Variants in PCBP3 observed in about 807,000 individuals in gnomAD.
PCBP3 encodes poly(rC)-binding protein 3.
In PCBP3, 25 loss-of-function variants were observed where a neutral mutation model predicts 52.7. The observed-to-expected ratio is 0.47, with a 90% CI of 0.35 to 0.66. PCBP3 has a LOEUF of 0.66. Among genes scored for constraint, PCBP3 ranks in the 30% least tolerant of loss-of-function variants. The probability of loss-of-function intolerance (pLI) is 0.01; values close to 1 mark genes in which losing one functional copy is unlikely to be tolerated. For synonymous variants in PCBP3, 162 were observed against 183.0 expected, an observed-to-expected ratio of 0.89 and a Z score of 0.93; for missense variants, 391 against 490.3, an observed-to-expected ratio of 0.80 and a Z score of 1.91.
intron 4 of PCBP3, among the ~76,000 whole-genome samples, chr21:45,845,983 C>CT (rs1481235224): frequency 1.3e-5 from 2 of 152,206 alleles, no homozygotes; most frequent in African/African-American, 2.4e-5. Flanking sequence ...CCTTGCCTTC[C>CT]TAAACAGCTG....
At chr21:45,733,143 T>C (rs1197674168) in intron 2 of PCBP3, among the ~76,000 whole-genome samples, 1 of 152,202 alleles carries the variant, frequency 6.6e-6, no homozygotes, top group Non-Finnish European at 1.5e-5. Context: ...AGTCAGTATA[T>C]TTTTTTAAAT....
chr21:45,660,267 TC>T (rs1322931952), intron 1 of PCBP3, among the ~76,000 whole-genome samples: 1 of 152,154 alleles, frequency 6.6e-6, no homozygotes, highest in Admixed American at 6.5e-5. Context: ...ACCGTTTTTT[TC>T]TGATGTTAAT....
intron 3 of PCBP3, among the ~76,000 whole-genome samples, chr21:45,747,103 A>T (rs966590317): frequency 1.3e-5 from 2 of 152,250 alleles, no homozygotes; most frequent in Non-Finnish European, 2.9e-5. Context: ...TCAGTTCCAC[A>T]TGGCTGGGGA....
chr21:45,729,053 C>CA (rs1425877604), intron 2 of PCBP3, among the ~76,000 whole-genome samples: 1 of 152,178 alleles, frequency 6.6e-6, no homozygotes, highest in Non-Finnish European at 1.5e-5. Context: ...ACCTCCCACC[C>CA]ATTAAGTAAT....
chr21:45,810,782 C>T (rs1043248796), intron 4 of PCBP3, among the ~76,000 whole-genome samples: 6 of 152,206 alleles, frequency 3.9e-5, no homozygotes, highest in South Asian at 4.1e-4. Context: ...CAGAATTTGC[C>T]GGTGCCTTGA....
chr21:45,680,190 C>A (rs2081749813), intron 2 of PCBP3, among the ~76,000 whole-genome samples: 2 of 152,146 alleles, frequency 1.3e-5, no homozygotes, highest in Non-Finnish European at 2.9e-5. Context: ...AAAAATGTTT[C>A]AGTTATTCTA....
chr21:45,927,419 C>T (rs1037386833), intron 13 of PCBP3, among the ~76,000 whole-genome samples: 1 of 112,032 alleles, frequency 8.9e-6, no homozygotes. Context: ...CTGGTGAGAA[C>T]CAAAAGCCTC....
chr21:45,921,999 G>C lies in PCBP3; in HGVS notation c.717+4370G>C, dbSNP rs140866960. 4.9e-3 allele frequency among the ~76,000 whole-genome samples: 744 copies of C among 152,298 alleles called. 7 individuals carry two copies. Among genetic ancestry groups the C allele is most frequent in the African/African-American group, 0.017 (703 of 41,540 alleles). ...GAAGGACTTAGGAGGACTGAAGTCA[G>C]GCTCTCCAGTATGGCCACTCGGCAG... On this transcript the variant is annotated intron_variant, in intron 13 of 17. Coordinates refer to ENST00000681687, the MANE Select transcript of PCBP3 (RefSeq NM_001384156.1).
At chr21:45,669,801 G>GTA (rs1385598083) in intron 2 of PCBP3, among the ~76,000 whole-genome samples, 241 of 68,816 alleles carry the variant, frequency 3.5e-3, no homozygotes, top group Non-Finnish European at 4.7e-3. Context: ...GTGTGTGTGT[G>GTA]TGTGTATATA....
intron 5 of PCBP3, 56 bp from the exon 6 acceptor site, chr21:45,896,152 G>C: frequency 2.0e-6 from 3 of 1,516,562 alleles, no homozygotes; most frequent in Non-Finnish European, 2.7e-6. Context: ...GACACCCCTG[G>C]ATGTGCGTGG....
Position 45,737,297 on chromosome 21 carries a change from A to G in PCBP3, c.-162+1868A>G, listed in dbSNP as rs775332533. Among the ~76,000 whole-genome samples the G allele has an allele frequency of 6.6e-6, 1 of 152,178 alleles. No homozygotes were observed. The highest frequency in any genetic ancestry group is 1.5e-5 in the Non-Finnish European group (1 of 68,036). ...CTAGGTTATTGTTGTGGCTTTAGCTAAAGCTGCTGTAATACCTGTTTCTTA... is the reference window on the plus strand; with the variant it reads ...CTAGGTTATTGTTGTGGCTTTAGCTGAAGCTGCTGTAATACCTGTTTCTTA... On this transcript the variant is annotated intron_variant, in intron 3 of 17. Transcript: ENST00000681687. The surrounding 1 kb of genome is among the most constrained non-coding windows in gnomAD (Gnocchi z 4.9).
chr21:45,905,772 C>T (rs557032896), intron 9 of PCBP3, among the ~76,000 whole-genome samples: 20 of 152,288 alleles, frequency 1.3e-4, no homozygotes, highest in African/African-American at 4.8e-4. Flanking sequence ...GTAGGGACCC[C>T]ATTTTACCTT....
chr21:45,767,710 G>A lies in PCBP3; in HGVS notation c.-126+12258G>A, dbSNP rs143228161. On this transcript the variant is annotated intron_variant, in intron 4 of 17. Coordinates refer to ENST00000681687, the MANE Select transcript of PCBP3 (RefSeq NM_001384156.1). ...AGGTAAAAGGACTTGCTCAGGATAG[G>A]ACAGACCTTCGTGGTGAGGCAGCTC... Among the ~76,000 whole-genome samples, 5 of 152,382 alleles carry A rather than the reference G, an allele frequency of 3.3e-5. No homozygotes were observed. In the East Asian group the frequency reaches 9.6e-4, roughly 29 times the overall value.
chr21:45,925,789 G>A (rs1156452710), intron 13 of PCBP3, among the ~76,000 whole-genome samples: 1 of 152,144 alleles, frequency 6.6e-6, no homozygotes, highest in Non-Finnish European at 1.5e-5. Context: ...AAATTTATAC[G>A]TGCCTAAAAC....
chr21:45,921,798 G>A (rs560217622), intron 13 of PCBP3, among the ~76,000 whole-genome samples: 10 of 137,732 alleles, frequency 7.3e-5, no homozygotes, highest in Admixed American at 5.0e-4. Flanking sequence ...CAGCCTGGGC[G>A]ACAGAACGAG....
chr21:45,818,968 A>G (rs2093047183), intron 4 of PCBP3, among the ~76,000 whole-genome samples: 1 of 152,218 alleles, frequency 6.6e-6, no homozygotes, highest in African/African-American at 2.4e-5. Flanking sequence ...CAAAACTATA[A>G]AAATAGTATA....
chr21:45,800,485 G>A lies in PCBP3; in HGVS notation c.-126+45033G>A, dbSNP rs913896110. ...GGCTCCAAACAGGCGTGTTGTGGGC[G>A]TGTCCTGAGGTGTGTGCCTGACCTG... is the stretch of plus-strand genomic sequence containing the variant. On this transcript the variant is annotated intron_variant, in intron 4 of 17. Coordinates refer to ENST00000681687, the MANE Select transcript of PCBP3 (RefSeq NM_001384156.1). The surrounding 1 kb of genome is among the most constrained non-coding windows in gnomAD (Gnocchi z 5.3). Among the ~76,000 whole-genome samples the A allele has an allele frequency of 6.6e-6, 1 of 152,178 alleles. No individual in the cohort carries two copies. The highest frequency in any genetic ancestry group is 1.5e-5 in the Non-Finnish European group (1 of 68,018).
In PCBP3 at chr21:45,861,655, G is replaced by A. The variant is rs559454441; in HGVS notation, c.10+11560G>A. ...ACCCCTCCGTGTTCATAAGCTCAGT[G>A]CTTGCAGACCGCACCGAGGGCAGAG... On this transcript the variant is annotated intron_variant, in intron 5 of 17. Transcript: ENST00000681687. Among the ~76,000 whole-genome samples the A allele has an allele frequency of 4.6e-5, 7 of 152,318 alleles. 1 individual carries two copies. The South Asian group carries it at 1.4e-3, about 32-fold the overall frequency.
rs564516740 is a variant in PCBP3 at position 45,821,759 on chromosome 21, T to C, written c.-125-28202T>C. ...TCTGTGGCTGTCATGCAGACTGGGG[T>C]TGGGGTTCTGTTCCCTCTACTGTAC... On this transcript the variant is annotated intron_variant, in intron 4 of 17. Transcript: ENST00000681687. This position sits in a 1 kb window ranked among gnomAD's most constrained non-coding sequence, Gnocchi z 4.4. Among the ~76,000 whole-genome samples, 55 of 152,164 alleles carry C rather than the reference T, an allele frequency of 3.6e-4. No homozygotes were observed. The highest frequency in any genetic ancestry group is 1.2e-3 in the African/African-American group (49 of 41,502).
Sources: allele counts gnomAD v4.1 joint callset (sites outside exome capture counted in the v4.1 genomes callset), GRCh38; gene constraint gnomAD v4.1.1; non-coding constraint Gnocchi (gnomAD v3.1); transcripts MANE v1.5; gene names NCBI Gene and HGNC (gene_info 2026-07-23, HGNC 2026-07-21).